Variants in FAM131C observed in about 807,000 individuals in gnomAD.
FAM131C encodes the protein family with sequence similarity 131 member C, also known as protein FAM131C.
In FAM131C, 14 loss-of-function variants were observed where a neutral mutation model predicts 29.8. The ratio of observed to expected loss-of-function variants is 0.47; its 90% confidence interval spans 0.31 to 0.73. FAM131C has a LOEUF of 0.73. Among genes scored for constraint, FAM131C ranks in the 30% least tolerant of loss-of-function variants. The pLI is 0.05. For missense variants in FAM131C, 252 were observed against 383.8 expected, an observed-to-expected ratio of 0.66 and a Z score of 2.87; for synonymous variants, 86 against 157.8, an observed-to-expected ratio of 0.54 and a Z score of 3.41.
At chr1:16,072,572 A>C (rs2023763906) in intron 1 of FAM131C, among the ~76,000 whole-genome samples, 1 of 152,056 alleles carries the variant, frequency 6.6e-6, no homozygotes, top group African/African-American at 2.4e-5. Context: ...CTTGTCTAAA[A>C]TGTTGCCCAA....
rs528814998 is a variant in FAM131C at position 16,071,040 on chromosome 1, G to A, written c.22+2381C>T. ...GGCTCAGTATGGGCATCAGCCTGAG[G>A]CCTGCAATCCTTGGCCTTGGCCAAG... On this transcript the variant is annotated intron_variant, in intron 1 of 6. Coordinates refer to ENST00000375662, the MANE Select transcript of FAM131C (RefSeq NM_182623.3). Among the ~76,000 whole-genome samples the A allele has an allele frequency of 3.9e-5, 6 of 152,372 alleles. No individual in the cohort carries two copies. In the East Asian group the frequency reaches 1.2e-3, roughly 29 times the overall value.
chr1:16,060,872 A>G (rs2023583029), intron 4 of FAM131C, among the ~76,000 whole-genome samples: 1 of 152,134 alleles, frequency 6.6e-6, no homozygotes, highest in East Asian at 1.9e-4. Flanking sequence ...ACAGCTGTTT[A>G]GGAAGAGCAA....
At chr1:16,062,394 C>CCCCCCG in intron 3 of FAM131C, 105 bp downstream of exon 3, 26 of 1,171,938 alleles carry the variant, frequency 2.2e-5, no homozygotes, top group Non-Finnish European at 3.0e-5. Context: ...CCCCCCCCCC[C>CCCCCCG]GCCCCAGGGC....
chr1:16,070,979 G>T (rs1355821987), intron 1 of FAM131C, among the ~76,000 whole-genome samples: 1 of 152,238 alleles, frequency 6.6e-6, no homozygotes, highest in Non-Finnish European at 1.5e-5. Context: ...AGGTTTTGGG[G>T]TTTGGCTGGG....
At chr1:16,062,391 C>A (rs1252363722) in intron 3 of FAM131C, 108 bp downstream of exon 3, 93 of 1,282,976 alleles carry the variant, frequency 7.2e-5, no homozygotes, top group South Asian at 1.9e-4. Context: ...CCCCCCCCCC[C>A]CCCGCCCCAG....
intron 3 of FAM131C, 116 bp downstream of exon 3, chr1:16,062,383 C>CT (rs758353008): frequency 1.6e-5 from 3 of 188,950 alleles, no homozygotes; most frequent in African/African-American, 3.2e-5. Context: ...TCATCAGGCC[C>CT]CCCCCCCCCC....
At chr1:16,071,580 T>G (rs559723870) in intron 1 of FAM131C, among the ~76,000 whole-genome samples, 1 of 152,204 alleles carries the variant, frequency 6.6e-6, no homozygotes, top group East Asian at 1.9e-4. Flanking sequence ...TCAACCCAAC[T>G]TTCCTGGATG....
Position 16,057,939 on chromosome 1 carries a change from G to C in FAM131C, c.*498C>G, listed in dbSNP as rs1394823960. On this transcript the variant is annotated 3_prime_UTR_variant, in exon 7 of 7. Coordinates refer to ENST00000375662, the MANE Select transcript of FAM131C (RefSeq NM_182623.3). ...ACACTCCAGAGAGACAGATGTCCTG[G>C]GTGAAGAGAGCCGGGGAGCAGGTGC... The C allele has an allele frequency of 1.3e-4, 20 of 158,180 alleles. No individual in the cohort carries two copies. Among genetic ancestry groups the C allele is most frequent in the Non-Finnish European group, 2.4e-4 (17 of 71,688 alleles). The allele number at this position is 158,180 out of a possible 1,614,324, so 9.8% of individuals were successfully genotyped here.
Position 16,059,500 on chromosome 1 carries a change from G to A in FAM131C, c.556C>T (p.Leu186Phe), listed in dbSNP as rs780317652. ...PENSPQGIVQ[L>F]QDLESIYLQD... ...TGGACCCTCTGGGCTGTACCTTGGA[G>A]CTGGACGATGCCTTGGGGGCTGTTC... Residue 186 changes from leucine (L) to phenylalanine (F), a missense_variant, in exon 6 of 7, where the codon CTC (leucine) becomes TTC (phenylalanine). Coordinates refer to ENST00000375662, the MANE Select transcript of FAM131C (RefSeq NM_182623.3). The A allele has an allele frequency of 1.8e-5, 29 of 1,610,910 alleles. No individual in the cohort carries two copies. The Admixed American group carries it at 4.9e-4, about 27-fold the overall frequency.
At chr1:16,071,878 CCTT>C (rs926555982) in intron 1 of FAM131C, among the ~76,000 whole-genome samples, 1 of 152,178 alleles carries the variant, frequency 6.6e-6, no homozygotes, top group Non-Finnish European at 1.5e-5. Context: ...AAAGGCCAGT[CCTT>C]CTGGGCTGGG....
At chr1:16,060,074 G>A (rs780759692) in intron 4 of FAM131C, 23 bp from the exon 5 acceptor site, 1 of 1,286,646 alleles carries the variant, frequency 7.8e-7, no homozygotes, top group Non-Finnish European at 1.1e-6. Context: ...GGGCATCTGG[G>A]TGACTGTCCT....
rs1384271475 is a variant in FAM131C at position 16,073,650 on chromosome 1, G to C, written c.-208C>G. On this transcript the variant is annotated 5_prime_UTR_variant, in exon 1 of 7. Transcript: ENST00000375662. ...GCCTCGCGCCGCCGCCTCCCGCGCA[G>C]TGCCCGCCGCTGCCAGGGGAGGGCG... 1 of 164,136 alleles carries C rather than the reference G, an allele frequency of 6.1e-6. No homozygotes were observed. The highest frequency in any genetic ancestry group is 1.8e-4 in the East Asian group (1 of 5,610). 10.2% of individuals were successfully genotyped at this position (164,136 alleles called of 1,614,324 possible). A position where few individuals can be genotyped will look rare whatever the true frequency, so the allele number is the denominator to read the frequency against.
At position 16,062,142 on chromosome 1, in the gene FAM131C, G is replaced by A. The variant is rs773968629; in HGVS notation, c.225C>T (p.Pro75=). Residue 75 remains proline (P), a synonymous_variant, in exon 4 of 7, where the codon CCC becomes CCT. Transcript: ENST00000375662. ...NGYLSDSRSR[P]GNYNVAALAT... is the part of the protein sequence containing the mutation. ...CCAGGGCTGCCACGTTGTAGTTGCC[G>A]GGGCGGGATCTGGAGTCGGACAGGT... The A allele has an allele frequency of 3.1e-6, 5 of 1,611,780 alleles. No homozygotes were observed. The highest frequency in any genetic ancestry group is 2.2e-5 in the South Asian group (2 of 90,964).
chr1:16,064,984 C>T (rs1286768465), intron 1 of FAM131C, among the ~76,000 whole-genome samples: 2 of 152,190 alleles, frequency 1.3e-5, no homozygotes, highest in Admixed American at 6.5e-5. Flanking sequence ...CTCCCTGGCT[C>T]ACCCCTGCCC....
At chr1:16,060,190 C>A in intron 4 of FAM131C, 139 bp from the exon 5 acceptor site, 1 of 560,010 alleles carries the variant, frequency 1.8e-6, no homozygotes, top group Non-Finnish European at 2.8e-6. Context: ...TGCCCCCACA[C>A]CTCCCCAGGG....
At chr1:16,063,477 G>T in intron 2 of FAM131C, 44 bp downstream of exon 2, 1 of 1,468,626 alleles carries the variant, frequency 6.8e-7, no homozygotes, top group Non-Finnish European at 9.5e-7. Context: ...GACAGGCCGG[G>T]AACCGGGGCG....
chr1:16,064,383 C>T (rs1355244144), intron 1 of FAM131C, among the ~76,000 whole-genome samples: 1 of 152,180 alleles, frequency 6.6e-6, no homozygotes, highest in Non-Finnish European at 1.5e-5. Flanking sequence ...CCTTTCCCTC[C>T]TGCAACAAAG....
chr1:16,070,378 C>T (rs1397383609), intron 1 of FAM131C, among the ~76,000 whole-genome samples: 2 of 152,252 alleles, frequency 1.3e-5, no homozygotes, highest in Non-Finnish European at 2.9e-5. Flanking sequence ...TCAATGTCCT[C>T]AGCACCTCGA....
intron 3 of FAM131C, 64 bp downstream of exon 3, chr1:16,062,435 A>G (rs1296354963): frequency 1.5e-5 from 22 of 1,462,094 alleles, no homozygotes; most frequent in African/African-American, 1.0e-4. Flanking sequence ...GCTGGGCACA[A>G]AGGATGGAGG....
Sources: allele counts gnomAD v4.1 joint callset (sites outside exome capture counted in the v4.1 genomes callset), GRCh38; gene constraint gnomAD v4.1.1; transcripts MANE v1.5; gene names NCBI Gene and HGNC (gene_info 2026-07-23, HGNC 2026-07-21).